Variants in PEX7 observed in about 807,000 individuals in gnomAD.
PEX7 encodes the protein peroxisomal biogenesis factor 7, also known as PTS2 receptor.
PEX7 carries 34 observed loss-of-function variants against 47.5 expected under a neutral mutation model. That is an observed-to-expected ratio of 0.72 (90% CI 0.54 to 0.95). The LOEUF (loss-of-function observed/expected upper bound fraction) is 0.95. PEX7 is among the 40% of genes least tolerant of loss of function. PEX7 has a pLI of 0.00. For missense variants in PEX7, 394 were observed against 400.3 expected (o/e 0.98, Z 0.13); for synonymous variants, 141 against 148.8 (o/e 0.95, Z 0.38).
Position 136,822,815 on chromosome 6 carries a change from C to G in PEX7, c.130+20C>G. 1 of 1,258,024 alleles carries G rather than the reference C, an allele frequency of 7.9e-7. No individual in the cohort carries two copies. The highest frequency in any genetic ancestry group is 3.3e-5 in the East Asian group (1 of 30,012). 77.9% of individuals were successfully genotyped at this position (1,258,024 alleles called of 1,614,324 possible). A position where few individuals can be genotyped will look rare whatever the true frequency, so the allele number is the denominator to read the frequency against. ...TCGCGGGTGAGGCGGCGCCGCGCAG[C>G]TGGGGCCGGGGGGCGGAGGCGGAGG... is the stretch of plus-strand genomic sequence containing the variant. On this transcript the variant is annotated intron_variant, in intron 1 of 9. Transcript: ENST00000318471.
intron 3 of PEX7, among the ~76,000 whole-genome samples, chr6:136,843,495 G>A (rs1401435804): frequency 6.6e-6 from 1 of 152,146 alleles, no homozygotes; most frequent in Non-Finnish European, 1.5e-5. Flanking sequence ...CTTGGTGTGT[G>A]CTATAAGAGC....
intron 5 of PEX7, among the ~76,000 whole-genome samples, chr6:136,858,825 G>C (rs1774908371): frequency 6.6e-6 from 1 of 152,182 alleles, no homozygotes; most frequent in Non-Finnish European, 1.5e-5. Context: ...TTTTTTCTCA[G>C]TTTTGCTAGT....
Position 136,867,633 on chromosome 6 carries a change from C to T in PEX7, c.633+900C>T, listed in dbSNP as rs567748692. ...ATGAAGAGTCAAAAAGTAAAAAAAGCCAGGCATGGTGGCAGGCGCCTGTAG... is the reference window on the plus strand; with the variant it reads ...ATGAAGAGTCAAAAAGTAAAAAAAGTCAGGCATGGTGGCAGGCGCCTGTAG... On this transcript the variant is annotated intron_variant, in intron 6 of 9. Coordinates refer to ENST00000318471, the MANE Select transcript of PEX7 (RefSeq NM_000288.4). 5.3e-5 allele frequency among the ~76,000 whole-genome samples: 8 copies of T among 151,932 alleles called. No homozygotes were observed. The South Asian group carries it at 1.7e-3, about 32-fold the overall frequency.
intron 5 of PEX7, among the ~76,000 whole-genome samples, chr6:136,863,312 T>C (rs1774999344): frequency 1.3e-5 from 2 of 152,122 alleles, no homozygotes; most frequent in Non-Finnish European, 2.9e-5. Flanking sequence ...AATGAGGTGC[T>C]ATGGACGGAG....
intron 3 of PEX7, among the ~76,000 whole-genome samples, chr6:136,845,349 A>T (rs1375502015): frequency 6.6e-6 from 1 of 152,196 alleles, no homozygotes; most frequent in African/African-American, 2.4e-5. Context: ...AAATATGTAT[A>T]ATTTGTTTTA....
chr6:136,882,280 C>T lies in PEX7; in HGVS notation c.803+10027C>T, dbSNP rs549222913. Among the ~76,000 whole-genome samples, 98 of 148,214 alleles carry T rather than the reference C, an allele frequency of 6.6e-4. 1 individual carries two copies. The South Asian group carries it at 0.017, about 26-fold the overall frequency. The stretch of plus-strand genomic sequence containing the variant: ...GTAACCTCCACCTCCAGGGTTCAAG[C>T]GATTCTCCCACCTTAGCCTCCTGAC... On this transcript the variant is annotated intron_variant, in intron 8 of 9. Coordinates refer to ENST00000318471, the MANE Select transcript of PEX7 (RefSeq NM_000288.4).
At chr6:136,871,434 A>G (rs1455195493) in intron 7 of PEX7, among the ~76,000 whole-genome samples, 1 of 152,210 alleles carries the variant, frequency 6.6e-6, no homozygotes, top group Non-Finnish European at 1.5e-5. Context: ...TTAAATGTTT[A>G]TTTTGATAAC....
At chr6:136,842,858 T>C (rs541074518) in intron 3 of PEX7, among the ~76,000 whole-genome samples, 4 of 152,326 alleles carry the variant, frequency 2.6e-5, no homozygotes, top group Admixed American at 1.3e-4. Flanking sequence ...GAAGGACTTA[T>C]CAGGGGAGGC....
At chr6:136,859,505 C>A (rs564843821) in intron 5 of PEX7, among the ~76,000 whole-genome samples, 1 of 152,046 alleles carries the variant, frequency 6.6e-6, no homozygotes, top group Non-Finnish European at 1.5e-5. Context: ...TTAAAGCAAA[C>A]CTCGTTCTAC....
intron 5 of PEX7, among the ~76,000 whole-genome samples, chr6:136,865,755 G>A (rs1775057079): frequency 6.6e-6 from 1 of 151,436 alleles, no homozygotes; most frequent in Admixed American, 6.6e-5. Context: ...TCCAGCCTGG[G>A]CAATAGAGCA....
chr6:136,909,125 G>A (rs538210624), intron 9 of PEX7, among the ~76,000 whole-genome samples: 13 of 152,244 alleles, frequency 8.5e-5, no homozygotes, highest in Middle Eastern at 3.4e-3. Context: ...GTTTATTGTC[G>A]TAACCTGTAC....
Position 136,853,261 on chromosome 6 carries a change from C to T in PEX7, c.526+7080C>T, listed in dbSNP as rs747440673. Among the ~76,000 whole-genome samples the T allele has an allele frequency of 3.2e-4, 48 of 152,228 alleles. 1 individual carries two copies. The highest frequency in any genetic ancestry group is 2.2e-4 in the African/African-American group (9 of 41,548). On this transcript the variant is annotated intron_variant, in intron 5 of 9. Transcript: ENST00000318471. ...GGTCCTCAAAGCCAAAAATATTTAC[C>T]GCCTGTGGCCCTTGACAGAAAACGT...
intron 5 of PEX7, among the ~76,000 whole-genome samples, chr6:136,852,178 A>G (rs1370631203): frequency 3.3e-5 from 5 of 151,506 alleles, no homozygotes; most frequent in African/African-American, 4.9e-5. Flanking sequence ...TGATTTTTGT[A>G]TAAGGTGTAA....
chr6:136,837,000 A>G (rs955044246), intron 3 of PEX7, among the ~76,000 whole-genome samples: 1 of 151,890 alleles, frequency 6.6e-6, no homozygotes, highest in African/African-American at 2.4e-5. Flanking sequence ...CTGCATTCAA[A>G]AAAATTAACA....
At chr6:136,912,723 A>T (rs1187461224) in intron 9 of PEX7, among the ~76,000 whole-genome samples, 1 of 152,196 alleles carries the variant, frequency 6.6e-6, no homozygotes, top group African/African-American at 2.4e-5. Context: ...AATTTTAAAA[A>T]TTGCCTCATC....
intron 9 of PEX7, among the ~76,000 whole-genome samples, chr6:136,910,787 C>T (rs1775920793): frequency 6.6e-6 from 1 of 152,182 alleles, no homozygotes; most frequent in African/African-American, 2.4e-5. Context: ...CAAAAGCACT[C>T]TCTTGCTACT....
chr6:136,909,393 G>C (rs1775897635), intron 9 of PEX7, among the ~76,000 whole-genome samples: 1 of 152,068 alleles, frequency 6.6e-6, no homozygotes, highest in African/African-American at 2.4e-5. Flanking sequence ...ACACCTAATT[G>C]GATGCTTTTT....
At chr6:136,827,692 C>G (rs1380326501) in intron 3 of PEX7, among the ~76,000 whole-genome samples, 1 of 152,070 alleles carries the variant, frequency 6.6e-6, no homozygotes, top group Non-Finnish European at 1.5e-5. Context: ...GCCACCGTGC[C>G]CTGCTAATTT....
chr6:136,872,194 G>C lies in PEX7; in HGVS notation c.748-4G>C. 7.1e-7 allele frequency: 1 copy of C among 1,414,322 alleles called. No homozygotes were observed. Among genetic ancestry groups the C allele is most frequent in the Non-Finnish European group, 9.4e-7 (1 of 1,065,148 alleles). 87.6% of individuals were successfully genotyped at this position (1,414,322 alleles called of 1,614,324 possible). A position where few individuals can be genotyped will look rare whatever the true frequency, so the allele number is the denominator to read the frequency against. ...GGGTTTTTTTTTTCTTTTTTTTTTT[G>C]TAGTTTTCACCATTTCATGCTTCTG... On this transcript the variant is annotated splice_polypyrimidine_tract_variant and splice_region_variant and intron_variant, in intron 7 of 9. Coordinates refer to ENST00000318471, the MANE Select transcript of PEX7 (RefSeq NM_000288.4).
Sources: gnomAD v4.1 joint callset for allele counts (sites outside exome capture counted in the v4.1 genomes callset) on GRCh38, gnomAD v4.1.1 for gene constraint, MANE v1.5 for transcripts, NCBI Gene and HGNC (gene_info 2026-07-23, HGNC 2026-07-21) for gene names.